The following KIRREL3 variants were observed in gnomAD, a reference collection of about 807,000 sequenced individuals.
KIRREL3 encodes kirre like nephrin family adhesion molecule 3.
In KIRREL3, 36 loss-of-function variants were observed where a neutral mutation model predicts 89.7. That is an observed-to-expected ratio of 0.40 (90% confidence interval 0.31 to 0.53). The LOEUF is 0.53. Among genes scored for constraint, KIRREL3 ranks in the 20% least tolerant of loss-of-function variants. KIRREL3 has a pLI of 0.49. For missense variants in KIRREL3, 864 were observed against 1,056.6 expected (o/e 0.82, Z 2.53); for synonymous variants, 445 against 441.4 (o/e 1.01, Z -0.10).
intron 1 of KIRREL3, among the ~76,000 whole-genome samples, chr11:126,847,465 A>C (rs182502197): frequency 6.6e-6 from 1 of 152,302 alleles, no homozygotes; most frequent in Admixed American, 6.5e-5. Context: ...TTATAAAAAA[A>C]GATGGCTTAT....
At chr11:126,446,985 G>T in intron 8 of KIRREL3, 99 bp from the exon 9 acceptor site, 1 of 1,435,590 alleles carries the variant, frequency 7.0e-7, no homozygotes, top group Non-Finnish European at 9.4e-7. Context: ...TGACTGGGGG[G>T]AGGCAGGCAG....
At chr11:126,850,221 C>A (rs144531538) in intron 1 of KIRREL3, among the ~76,000 whole-genome samples, 1 of 152,222 alleles carries the variant, frequency 6.6e-6, no homozygotes, top group African/African-American at 2.4e-5. Context: ...CACATGATCT[C>A]TTTTGAGCAC....
At position 127,000,380 on chromosome 11, in the gene KIRREL3, G is replaced by A. The variant is rs3802823; in HGVS notation, c.55+75C>T. 25,622 of 1,305,242 alleles carry A rather than the reference G, an allele frequency of 0.02. 737 individuals carry two copies. Among genetic ancestry groups the A allele is most frequent in the East Asian group, 0.12 (4,573 of 38,238 alleles). 80.9% of individuals were successfully genotyped at this position (1,305,242 alleles called of 1,614,324 possible). ...GTCCGAGTTCCCGAAGCCTGCCCAC[G>A]TTCCTGCCCACAGCCTCCCGCGCCC... On this transcript the variant is annotated intron_variant, in intron 1 of 16. Coordinates refer to ENST00000525144, the MANE Select transcript of KIRREL3 (RefSeq NM_032531.4). This position sits in a 1 kb window ranked among gnomAD's most constrained non-coding sequence, Gnocchi z 7.1.
chr11:126,842,998 G>A (rs1338705339), intron 1 of KIRREL3, among the ~76,000 whole-genome samples: 1 of 151,954 alleles, frequency 6.6e-6, no homozygotes, highest in African/African-American at 2.4e-5. Context: ...GGTGCTGTGA[G>A]GAACTTGTGA....
chr11:126,466,060 G>A (rs989940499), intron 5 of KIRREL3, among the ~76,000 whole-genome samples: 1 of 152,116 alleles, frequency 6.6e-6, no homozygotes, highest in Non-Finnish European at 1.5e-5. Flanking sequence ...GGCTCTGGGC[G>A]GTGGGTGCCA....
rs1591380558 is a variant in KIRREL3 at position 126,956,632 on chromosome 11, C to G, written c.55+43823G>C. The stretch of plus-strand genomic sequence containing the variant: ...GTGGTAGTCGGGGTGGATTATCAAT[C>G]GCATTTTCTTTCCCCTGGAATGTGT... On this transcript the variant is annotated intron_variant, in intron 1 of 16. Transcript: ENST00000525144. 2.0e-5 allele frequency among the ~76,000 whole-genome samples: 3 copies of G among 152,106 alleles called. No individual in the cohort carries two copies. The South Asian group carries it at 6.2e-4, about 32-fold the overall frequency.
At chr11:126,511,860 C>T (rs1025381964) in intron 4 of KIRREL3, among the ~76,000 whole-genome samples, 2 of 152,218 alleles carry the variant, frequency 1.3e-5, no homozygotes, top group Admixed American at 1.3e-4. Flanking sequence ...TGGGCCTGGG[C>T]TGAGGTCGGA....
chr11:126,565,852 C>T lies in KIRREL3; in HGVS notation c.56-2940G>A, dbSNP rs190249820. Among the ~76,000 whole-genome samples, 49 of 152,114 alleles carry T rather than the reference C, an allele frequency of 3.2e-4. 1 individual carries two copies. The East Asian group carries it at 4.6e-3, about 14-fold the overall frequency. ...ACCAGGAGGAAGCAGGAGGCAATTG[C>T]TTTGGCTTGGGGAGACTCTACCAAG... On this transcript the variant is annotated intron_variant, in intron 1 of 16. Transcript: ENST00000525144. This position sits in a 1 kb window ranked among gnomAD's most constrained non-coding sequence, Gnocchi z 5.4.
intron 1 of KIRREL3, among the ~76,000 whole-genome samples, chr11:126,663,245 G>T (rs1358952224): frequency 6.8e-6 from 1 of 147,760 alleles, no homozygotes; most frequent in African/African-American, 2.5e-5. Flanking sequence ...GAGTGCAGTG[G>T]CTCGATCTTC....
chr11:126,692,029 G>A (rs1375951752), intron 1 of KIRREL3, among the ~76,000 whole-genome samples: 1 of 152,188 alleles, frequency 6.6e-6, no homozygotes, highest in African/African-American at 2.4e-5. Flanking sequence ...GCAAATGTCG[G>A]TAAGAGCGTG....
Position 126,923,246 on chromosome 11 carries a change from C to CTT in KIRREL3, c.55+77207_55+77208dup, listed in dbSNP as rs55759985. Among the ~76,000 whole-genome samples the CTT allele has an allele frequency of 2.3e-4, 15 of 64,246 alleles. 5 individuals carry two copies. Among genetic ancestry groups the CTT allele is most frequent in the African/African-American group, 9.7e-4 (15 of 15,532 alleles). The allele number at this position is 64,246 out of a possible 152,430, so 42.1% of individuals were successfully genotyped here. On this transcript the variant is annotated intron_variant, in intron 1 of 16. Coordinates refer to ENST00000525144, the MANE Select transcript of KIRREL3 (RefSeq NM_032531.4). ...TCTTCTTCTTCTTCTTCTTCTTCTTCTTCTTCTTCTTCTTCTTCTTCTCCT... is the reference window on the plus strand; with the variant it reads ...TCTTCTTCTTCTTCTTCTTCTTCTTCTTTTCTTCTTCTTCTTCTTCTTCTCCT...
intron 2 of KIRREL3, among the ~76,000 whole-genome samples, chr11:126,547,553 G>C (rs902119712): frequency 2.0e-5 from 3 of 152,172 alleles, no homozygotes; most frequent in Non-Finnish European, 4.4e-5. Flanking sequence ...GGGACCCACT[G>C]CTGGGGACTA....
intron 1 of KIRREL3, among the ~76,000 whole-genome samples, chr11:126,835,499 A>T (rs1943748012): frequency 6.6e-6 from 1 of 152,188 alleles, no homozygotes; most frequent in African/African-American, 2.4e-5. Flanking sequence ...AACAAACACA[A>T]CTAAAATTTA....
Position 126,635,041 on chromosome 11 carries a change from C to T in KIRREL3, c.56-72129G>A, listed in dbSNP as rs1392201513. ...CTGGGCTCTTCTTGCCCCTAAACTT[C>T]TCCTCGATCAGGAGTAATATAGTCT... is the stretch of plus-strand genomic sequence containing the variant. On this transcript the variant is annotated intron_variant, in intron 1 of 16. Transcript: ENST00000525144. This position sits in a 1 kb window ranked among gnomAD's most constrained non-coding sequence, Gnocchi z 4.0. 6.6e-6 allele frequency among the ~76,000 whole-genome samples: 1 copy of T among 152,238 alleles called. No individual in the cohort carries two copies. Among genetic ancestry groups the T allele is most frequent in the Non-Finnish European group, 1.5e-5 (1 of 68,046 alleles).
Position 126,876,071 on chromosome 11 carries a change from G to A in KIRREL3, c.55+124384C>T, listed in dbSNP as rs1945274557. Among the ~76,000 whole-genome samples the A allele has an allele frequency of 6.6e-6, 1 of 152,142 alleles. No individual in the cohort carries two copies. The highest frequency in any genetic ancestry group is 6.5e-5 in the Admixed American group (1 of 15,274). On this transcript the variant is annotated intron_variant, in intron 1 of 16. Coordinates refer to ENST00000525144, the MANE Select transcript of KIRREL3 (RefSeq NM_032531.4). The surrounding 1 kb of genome is among the most constrained non-coding windows in gnomAD (Gnocchi z 4.1). ...GGAGGGGCACAGGAGGGGTATTGGA[G>A]GTGACCTATTGTTGGAAATAATGAC...
rs917990055 is a variant in KIRREL3, at chr11:126,594,973, G to A, written c.56-32061C>T. ...GCTGCCCTGGGCCCTCGGACCCTCA[G>A]GGGCCTTCTGGGTTGTGAGGCGTGG... On this transcript the variant is annotated intron_variant, in intron 1 of 16. Transcript: ENST00000525144. The surrounding 1 kb of genome is among the most constrained non-coding windows in gnomAD (Gnocchi z 5.0). Among the ~76,000 whole-genome samples, 2 of 152,336 alleles carry A rather than the reference G, an allele frequency of 1.3e-5. No homozygotes were observed. The highest frequency in any genetic ancestry group is 4.8e-5 in the African/African-American group (2 of 41,582).
At chr11:126,836,934 G>T (rs1943801792) in intron 1 of KIRREL3, among the ~76,000 whole-genome samples, 1 of 152,098 alleles carries the variant, frequency 6.6e-6, no homozygotes. Flanking sequence ...CAGAACCTGA[G>T]ACCCCTAATG....
intron 1 of KIRREL3, among the ~76,000 whole-genome samples, chr11:126,665,188 T>G (rs985706980): frequency 1.3e-4 from 20 of 152,052 alleles, no homozygotes; most frequent in African/African-American, 4.1e-4. Flanking sequence ...CAGAGCCCAT[T>G]AAAAAGAAAA....
intron 1 of KIRREL3, among the ~76,000 whole-genome samples, chr11:126,625,710 A>G (rs1449813091): frequency 1.3e-5 from 2 of 152,106 alleles, no homozygotes; most frequent in African/African-American, 4.8e-5. Context: ...ATTTTATACA[A>G]GTGATTCCTG....
Sources: allele counts gnomAD v4.1 joint callset (sites outside exome capture counted in the v4.1 genomes callset), GRCh38; gene constraint gnomAD v4.1.1; non-coding constraint Gnocchi (gnomAD v3.1); transcripts MANE v1.5; gene names NCBI Gene and HGNC (gene_info 2026-07-23, HGNC 2026-07-21).